Variants in TNK2 observed in about 807,000 individuals in gnomAD.
The protein encoded by TNK2 is activated CDC42 kinase 1.
A neutral mutation model predicts 101.8 loss-of-function variants in TNK2; 83 were observed. The observed-to-expected ratio is 0.82, with a 90% CI of 0.68 to 0.98. The LOEUF (loss-of-function observed/expected upper bound fraction) is 0.98. Ranked by LOEUF, TNK2 falls within the 50% of genes least tolerant of loss-of-function variation. TNK2 has a pLI of 0.00. For missense variants in TNK2, 1,665 were observed against 1,483.2 expected (o/e 1.12, Z -2.01); for synonymous variants, 804 against 633.0 (o/e 1.27, Z -4.06).
At chr3:195,873,143 G>C (rs1215948489) in intron 9 of TNK2, among the ~76,000 whole-genome samples, 1 of 152,206 alleles carries the variant, frequency 6.6e-6, no homozygotes, top group East Asian at 1.9e-4. Flanking sequence ...GTCTCCTCAG[G>C]AGGGGCTCTA....
Position 195,868,701 on chromosome 3 carries a change from A to T in TNK2, c.1597T>A (p.Tyr533Asn). The change falls in exon 13 of 16, where the codon TAT (tyrosine) becomes AAT (asparagine). Residue 533 changes from tyrosine to asparagine, a missense_variant. Physicochemically the swap from Tyr to Asn is moderately radical, Grantham distance 143 (BLOSUM62 -2). Transcript: ENST00000672887. ...QPAFFTQKPT[Y>N]DPVSEDQDPL... Reference sequence around the variant, plus strand: ...TCTTGGTCCTCGCTCACAGGGTCATAGGTTGGTTCTGTGATGGAAAGGGAG... The same window carrying T: ...TCTTGGTCCTCGCTCACAGGGTCATTGGTTGGTTCTGTGATGGAAAGGGAG... The T allele has an allele frequency of 1.9e-6, 3 of 1,571,254 alleles. No homozygotes were observed. The highest frequency in any genetic ancestry group is 2.6e-6 in the Non-Finnish European group (3 of 1,168,454).
intron 1 of TNK2, among the ~76,000 whole-genome samples, chr3:195,902,647 A>T (rs1193203395): frequency 3.7e-4 from 20 of 53,764 alleles, no homozygotes; most frequent in East Asian, 6.8e-4. Context: ...AAACAAACAT[A>T]AAAAAAAAAA....
intron 6 of TNK2, chr3:195,879,494 G>A (rs902719775): frequency 1.4e-5 from 3 of 220,186 alleles, no homozygotes; most frequent in Non-Finnish European, 2.7e-5. Flanking sequence ...AAGATCACAG[G>A]CTGTTTTCTG....
At chr3:195,902,712 G>A (rs1407255467) in intron 1 of TNK2, among the ~76,000 whole-genome samples, 3 of 146,968 alleles carry the variant, frequency 2.0e-5, no homozygotes, top group Non-Finnish European at 4.5e-5. Flanking sequence ...ACCTGGTAAA[G>A]GTCAGATATG....
intron 5 of TNK2, 27 bp downstream of exon 5, chr3:195,883,130 C>A: frequency 1.3e-6 from 2 of 1,594,894 alleles, no homozygotes; most frequent in South Asian, 2.2e-5. Context: ...CTCTCCCTGC[C>A]CGCCCCCTCC....
At position 195,868,072 on chromosome 3, in the gene TNK2, G is replaced by C. The variant is rs749712285; in HGVS notation, c.2226C>G (p.Pro742=). The change falls in exon 13 of 16, where the codon CCC becomes CCG. Residue 742 remains proline, a synonymous_variant. Coordinates refer to ENST00000672887, the MANE Select transcript of TNK2 (RefSeq NM_001382273.1). Reference sequence around the variant, plus strand: ...TGTCGTCACCCCCCGGGCTGGGAGAGGGGGCCGGGGAGCCGGCCGGAGCCT... The same window carrying C: ...TGTCGTCACCCCCCGGGCTGGGAGACGGGGCCGGGGAGCCGGCCGGAGCCT... ...QLQAPAGSPA[P]SPSPGGDDKP... The C allele has an allele frequency of 2.5e-6, 4 of 1,607,524 alleles. No individual in the cohort carries two copies. Among genetic ancestry groups the C allele is most frequent in the East Asian group, 2.2e-5 (1 of 44,710 alleles).
intron 1 of TNK2, among the ~76,000 whole-genome samples, chr3:195,891,331 G>T (rs577856538): frequency 2.0e-5 from 3 of 152,246 alleles, no homozygotes; most frequent in African/African-American, 7.2e-5. Flanking sequence ...ACTTGAACCC[G>T]GGAGGCGGAG....
chr3:195,904,562 G>T (rs749030597), intron 1 of TNK2, among the ~76,000 whole-genome samples: 1 of 152,114 alleles, frequency 6.6e-6, no homozygotes, highest in Non-Finnish European at 1.5e-5. Context: ...TGTTTAATAG[G>T]TGCGGTTTCA....
At chr3:195,892,746 G>A in intron 1 of TNK2, 1 of 1,338,040 alleles carries the variant, frequency 7.5e-7, no homozygotes, top group Non-Finnish European at 9.6e-7. Flanking sequence ...CAGGGCAGTG[G>A]TCACAGTCCA....
intron 9 of TNK2, chr3:195,876,616 G>C (rs750230046): frequency 2.2e-6 from 1 of 456,218 alleles, no homozygotes; most frequent in African/African-American, 2.0e-5. Context: ...CCCACCTCCT[G>C]AGCAGCTCCA....
rs865863694 is a variant in TNK2, at chr3:195,882,512, T to C, written c.610-184A>G. On this transcript the variant is annotated intron_variant, in intron 5 of 15. Coordinates refer to ENST00000672887, the MANE Select transcript of TNK2 (RefSeq NM_001382273.1). This position sits in a 1 kb window ranked among gnomAD's most constrained non-coding sequence, Gnocchi z 4.2. ...TTCTCAGGCCTCTCCCTCGAGGCAA[T>C]TTGGGAAACTGATGCCTAGAGAGAA... 2 of 1,536,162 alleles carry C rather than the reference T, an allele frequency of 1.3e-6. No homozygotes were observed. The highest frequency in any genetic ancestry group is 3.3e-4 in the Middle Eastern group (2 of 5,986).
chr3:195,871,081 C>T (rs993683229), intron 10 of TNK2, among the ~76,000 whole-genome samples: 3 of 150,878 alleles, frequency 2.0e-5, no homozygotes, highest in Admixed American at 6.6e-5. Context: ...GCTTTCCACG[C>T]CTCTCAGGGC....
At chr3:195,867,050 C>T (rs772968376) in intron 14 of TNK2, 34 bp from the exon 15 acceptor site, 606 of 1,611,406 alleles carry the variant, frequency 3.8e-4, no homozygotes, top group Non-Finnish European at 4.8e-4. Context: ...GACACGCGGG[C>T]CCAGGGCACC....
At chr3:195,864,591 C>G (rs943057402) in intron 15 of TNK2, among the ~76,000 whole-genome samples, 2 of 146,280 alleles carry the variant, frequency 1.4e-5, no homozygotes, top group Admixed American at 6.9e-5. Context: ...AAGAACCACC[C>G]GAGACAGTGA....
intron 1 of TNK2, among the ~76,000 whole-genome samples, chr3:195,906,368 A>G (rs138351820): frequency 1.3e-5 from 2 of 152,248 alleles, no homozygotes; most frequent in African/African-American, 4.8e-5. Context: ...AAAGACTAAC[A>G]AACACGTTCA....
At chr3:195,887,766 T>C (rs12634163) in intron 2 of TNK2, among the ~76,000 whole-genome samples, 6,082 of 141,194 alleles carry the variant, frequency 0.043, 278 homozygotes, top group African/African-American at 0.13. Flanking sequence ...TGTGCGCACG[T>C]GTGTGCGTCT....
intron 11 of TNK2, 180 bp from the exon 12 acceptor site, chr3:195,869,721 G>C (rs552874826): frequency 1.5e-6 from 1 of 668,244 alleles, no homozygotes; most frequent in Non-Finnish European, 2.7e-6. Context: ...TGAGGAACAC[G>C]GCGGTCCAGT....
At chr3:195,896,148 G>A (rs553272481) in intron 1 of TNK2, 3 of 455,180 alleles carry the variant, frequency 6.6e-6, no homozygotes, top group East Asian at 7.0e-5. Flanking sequence ...CAGCACTGGC[G>A]CGAGGCCATC....
Position 195,864,060 on chromosome 3 carries a change from C to A in TNK2, c.*121G>T. The A allele has an allele frequency of 7.1e-7, 1 of 1,400,580 alleles. No individual in the cohort carries two copies. The highest frequency in any genetic ancestry group is 1.0e-6 in the Non-Finnish European group (1 of 1,001,556). 86.8% of individuals were successfully genotyped at this position (1,400,580 alleles called of 1,614,324 possible). A position where few individuals can be genotyped will look rare whatever the true frequency, so the allele number is the denominator to read the frequency against. On this transcript the variant is annotated 3_prime_UTR_variant, in exon 16 of 16. Transcript: ENST00000672887. ...TCCCGCAGCCTTGGCCTTGCTCCAT[C>A]CCCGGGAGCAGCAGGAGCAGCGGGT...
Sources: allele counts gnomAD v4.1 joint callset (sites outside exome capture counted in the v4.1 genomes callset), GRCh38; gene constraint gnomAD v4.1.1; non-coding constraint Gnocchi (gnomAD v3.1); transcripts MANE v1.5; gene names NCBI Gene and HGNC (gene_info 2026-07-23, HGNC 2026-07-21).